Variants in DRC8 observed in about 807,000 individuals in gnomAD.
The protein encoded by DRC8 is dynein regulatory complex protein 8.
At chr1:245,028,206 G>GT in the DRC8 span, among the ~76,000 whole-genome samples, 37 of 151,924 alleles carry the variant, frequency 2.4e-4, no homozygotes, top group African/African-American at 6.5e-4. Context: ...TCTTTTACAT[G>GT]TTTTTTTTGT....
At chr1:245,049,544 T>C in the DRC8 span, among the ~76,000 whole-genome samples, 3,617 of 152,262 alleles carry the variant, frequency 0.024, 63 homozygotes, top group Non-Finnish European at 0.038. This position sits in a 1 kb window ranked among gnomAD's most constrained non-coding sequence, Gnocchi z 4.5. Flanking sequence ...GACATGTATG[T>C]ATGCCCCACC....
the DRC8 span, among the ~76,000 whole-genome samples, chr1:245,098,703 G>A: frequency 2.6e-5 from 4 of 152,174 alleles, no homozygotes; most frequent in Non-Finnish European, 5.9e-5. Context: ...ATCACAGTCC[G>A]AGTGAACTGT....
chr1:245,117,411 T>A, the DRC8 span, among the ~76,000 whole-genome samples: 11,361 of 152,058 alleles, frequency 0.075, 502 homozygotes, highest in East Asian at 0.13. Context: ...CACTTATTTT[T>A]ATTTTAATTT....
the DRC8 span, among the ~76,000 whole-genome samples, chr1:245,001,550 C>T: frequency 6.6e-6 from 1 of 152,178 alleles, no homozygotes; most frequent in East Asian, 1.9e-4. Context: ...GGAGTTATTG[C>T]AGGTGGTGTC....
At chr1:244,993,851 G>T in the DRC8 span, among the ~76,000 whole-genome samples, 4 of 152,202 alleles carry the variant, frequency 2.6e-5, no homozygotes, top group Non-Finnish European at 4.4e-5. Context: ...ATTCATGAGG[G>T]CAGAGCCCTC....
At chr1:245,094,225 C>A in the DRC8 span, among the ~76,000 whole-genome samples, 6,723 of 152,252 alleles carry the variant, frequency 0.044, 216 homozygotes, top group Non-Finnish European at 0.07. Context: ...TTTGTTCTTA[C>A]ACAACATGAT....
the DRC8 span, among the ~76,000 whole-genome samples, chr1:245,104,274 C>T: frequency 1.3e-5 from 2 of 152,106 alleles, no homozygotes; most frequent in Non-Finnish European, 2.9e-5. Context: ...GAGGCCCAGG[C>T]GGGCAGATCA....
At chr1:245,045,324 G>A in the DRC8 span, among the ~76,000 whole-genome samples, 2 of 152,250 alleles carry the variant, frequency 1.3e-5, no homozygotes, top group Admixed American at 6.5e-5. Context: ...GTCGAGGGTT[G>A]TGACTGCAAG....
At chr1:245,085,958 C>T in the DRC8 span, among the ~76,000 whole-genome samples, 3 of 152,292 alleles carry the variant, frequency 2.0e-5, no homozygotes, top group South Asian at 4.1e-4. Context: ...GCTTTGCCCT[C>T]GATGGCGAGT....
At chr1:244,970,012 C>T in the DRC8 span, 1 of 552,712 alleles carries the variant, frequency 1.8e-6, no homozygotes, top group Admixed American at 4.1e-5. Flanking sequence ...AGCAACGCCA[C>T]GTCGCACAAA....
the DRC8 span, chr1:245,124,541 T>TGG: frequency 6.6e-6 from 1 of 152,226 alleles, no homozygotes; most frequent in African/African-American, 2.4e-5. Flanking sequence ...CCCACTTCCT[T>TGG]GTAACCAACA....
chr1:245,096,452 A>G, the DRC8 span, among the ~76,000 whole-genome samples: 8 of 152,348 alleles, frequency 5.3e-5, no homozygotes, highest in African/African-American at 1.9e-4. Flanking sequence ...GTCAGCATTC[A>G]TTGGATTCTC....
the DRC8 span, among the ~76,000 whole-genome samples, chr1:245,089,502 G>C: frequency 2.6e-5 from 4 of 152,056 alleles, no homozygotes; most frequent in African/African-American, 9.7e-5. This position sits in a 1 kb window ranked among gnomAD's most constrained non-coding sequence, Gnocchi z 4.8. Flanking sequence ...TGGATGCCAA[G>C]ATCGGAGAGA....
chr1:245,052,159 C>A, the DRC8 span, among the ~76,000 whole-genome samples: 1 of 152,188 alleles, frequency 6.6e-6, no homozygotes, highest in African/African-American at 2.4e-5. Context: ...GCCAGGAAGT[C>A]AACAGACGAC....
the DRC8 span, among the ~76,000 whole-genome samples, chr1:245,026,232 T>C: frequency 6.6e-6 from 1 of 152,184 alleles, no homozygotes; most frequent in East Asian, 1.9e-4. Flanking sequence ...CTTTTACTGA[T>C]AGGGAGACTT....
chr1:245,095,592 C>A, the DRC8 span, among the ~76,000 whole-genome samples: 24 of 152,116 alleles, frequency 1.6e-4, no homozygotes, highest in African/African-American at 5.6e-4. Flanking sequence ...TGCAGAGGCA[C>A]GATCATAGCT....
chr1:244,976,482 A>T, the DRC8 span, among the ~76,000 whole-genome samples: 237 of 152,320 alleles, frequency 1.6e-3, no homozygotes, highest in Non-Finnish European at 2.2e-3. Context: ...ATAAAAAAAA[A>T]TTTGAAGAAA....
chr1:245,086,962 T>C, the DRC8 span: 2 of 530,072 alleles, frequency 3.8e-6, no homozygotes, highest in South Asian at 3.7e-5. Flanking sequence ...TTGTTCATGA[T>C]GTCTGTATGT....
the DRC8 span, among the ~76,000 whole-genome samples, chr1:244,972,826 A>C: frequency 2.1e-4 from 32 of 152,040 alleles, no homozygotes; most frequent in Admixed American, 6.6e-4. Flanking sequence ...AAAAAAAAAA[A>C]AAAACAAAAA....
Sources: gnomAD v4.1 joint callset for allele counts (sites outside exome capture counted in the v4.1 genomes callset) on GRCh38, gnomAD v4.1.1 for gene constraint, Gnocchi (gnomAD v3.1) non-coding constraint, MANE v1.5 for transcripts, NCBI Gene and HGNC (gene_info 2026-07-23, HGNC 2026-07-21) for gene names.